Variants in DMC1 observed in about 807,000 individuals in gnomAD.
DMC1 encodes the protein DNA meiotic recombinase 1, also known as meiotic recombination protein DMC1 homolog.
In DMC1, 27 loss-of-function variants were observed where a neutral mutation model predicts 50.1. The observed-to-expected ratio is 0.54, with a 90% CI of 0.40 to 0.74. The LOEUF is 0.74. DMC1 is among the 30% of genes least tolerant of loss of function. DMC1 has a pLI of 0.00. For missense variants in DMC1, 295 were observed against 420.2 expected (o/e 0.70, Z 2.60); for synonymous variants, 148 against 136.1 (o/e 1.09, Z -0.61).
At chr22:38,536,197 CAG>C (rs2090210620) in intron 12 of DMC1, among the ~76,000 whole-genome samples, 1 of 151,264 alleles carries the variant, frequency 6.6e-6, no homozygotes, top group Admixed American at 6.6e-5. Context: ...GCTTGGGTGA[CAG>C]AGTGAAACCT....
the DMC1 span, among the ~76,000 whole-genome samples, chr22:38,511,288 A>G: frequency 6.6e-6 from 1 of 150,706 alleles, no homozygotes; most frequent in Non-Finnish European, 1.5e-5. Flanking sequence ...TTTTCAATTA[A>G]GAGTCAGGAG....
rs1236138689 is a variant in DMC1, at chr22:38,520,272, A to G, written c.954-183T>C. ...TATTAACCCTCACAAACATTTATTG[A>G]GCAACTTCTATATATAAAGTTCTGA... On this transcript the variant is annotated intron_variant, in intron 13 of 13. Coordinates refer to ENST00000216024, the MANE Select transcript of DMC1 (RefSeq NM_007068.4). Among the ~76,000 whole-genome samples the G allele has an allele frequency of 3.9e-5, 6 of 152,226 alleles. No individual in the cohort carries two copies. In the East Asian group the frequency reaches 1.2e-3, roughly 29 times the overall value.
the DMC1 span, among the ~76,000 whole-genome samples, chr22:38,512,989 C>G: frequency 6.6e-6 from 1 of 151,604 alleles, no homozygotes; most frequent in Non-Finnish European, 1.5e-5. Context: ...GAGGCTGAGA[C>G]AGGAGAATCG....
downstream of DMC1, among the ~76,000 whole-genome samples, chr22:38,516,734 G>A (rs5995588): frequency 6.6e-6 from 1 of 152,148 alleles, no homozygotes; most frequent in Admixed American, 6.5e-5. Flanking sequence ...ACACTGGGAT[G>A]GGGGAGAGCT....
At chr22:38,549,580 C>A in intron 8 of DMC1, 1 of 210,504 alleles carries the variant, frequency 4.8e-6, no homozygotes, top group Non-Finnish European at 9.6e-6. Context: ...GCCGAGATTG[C>A]CCCACTGGAC....
chr22:38,566,808 G>T, intron 3 of DMC1, 72 bp from the exon 4 acceptor site: 1 of 1,499,594 alleles, frequency 6.7e-7, no homozygotes. Context: ...TATGTCATGT[G>T]TTTCTGTGTC....
intron 12 of DMC1, among the ~76,000 whole-genome samples, chr22:38,528,952 A>T (rs1314464935): frequency 6.6e-6 from 1 of 152,196 alleles, no homozygotes; most frequent in Non-Finnish European, 1.5e-5. Flanking sequence ...GTGAAGTACA[A>T]GAAGGTATAA....
In DMC1 at chr22:38,549,877, A is replaced by T. The variant is rs766889150; in HGVS notation, c.494+48T>A. 20 of 1,400,386 alleles carry T rather than the reference A, an allele frequency of 1.4e-5. No individual in the cohort carries two copies. The African/African-American group carries it at 1.7e-4, about 12-fold the overall frequency. 86.7% of individuals were successfully genotyped at this position (1,400,386 alleles called of 1,614,324 possible). A position where few individuals can be genotyped will look rare whatever the true frequency, so the allele number is the denominator to read the frequency against. ...CTCAGACAAACTCTTCAGTGGTAAC[A>T]TTCCTATATCACACTATTATGTTAG... On this transcript the variant is annotated intron_variant, in intron 8 of 13. Coordinates refer to ENST00000216024, the MANE Select transcript of DMC1 (RefSeq NM_007068.4).
intron 8 of DMC1, among the ~76,000 whole-genome samples, chr22:38,545,261 A>T (rs1350679315): frequency 1.3e-5 from 2 of 151,818 alleles, no homozygotes; most frequent in African/African-American, 4.8e-5. Flanking sequence ...AAATACAAAA[A>T]TTAGCTGGGC....
chr22:38,523,225 C>T (rs530440027), intron 12 of DMC1, among the ~76,000 whole-genome samples: 24 of 152,312 alleles, frequency 1.6e-4, no homozygotes, highest in African/African-American at 5.5e-4. Flanking sequence ...AGTCAGAAAG[C>T]TGGGTTGCTT....
intron 8 of DMC1, among the ~76,000 whole-genome samples, chr22:38,542,754 T>C (rs2090298758): frequency 6.6e-6 from 1 of 152,194 alleles, no homozygotes; most frequent in African/African-American, 2.4e-5. Flanking sequence ...AAAGCTATCT[T>C]GAGCAAAAAG....
At chr22:38,552,547 G>A (rs935914464) in intron 7 of DMC1, 119 bp downstream of exon 7, 1 of 816,618 alleles carries the variant, frequency 1.2e-6, no homozygotes, top group Non-Finnish European at 2.1e-6. Context: ...ATCTGCCTGT[G>A]TTTTAGTTTC....
At chr22:38,567,507 G>A in intron 3 of DMC1, 76 bp downstream of exon 3, 2 of 1,243,082 alleles carry the variant, frequency 1.6e-6, no homozygotes, top group Non-Finnish European at 2.4e-6. Context: ...GAATTATCCA[G>A]GCCCAAATGT....
chr22:38,558,923 A>G (rs1391755075), intron 5 of DMC1, among the ~76,000 whole-genome samples: 1 of 152,128 alleles, frequency 6.6e-6, no homozygotes, highest in East Asian at 1.9e-4. Context: ...ATTTTGACCA[A>G]TTTGCCTAGG....
chr22:38,555,411 T>C lies in DMC1; in HGVS notation c.327-2A>G, dbSNP rs772673369. On this transcript the variant is annotated splice_acceptor_variant, in intron 5 of 13. Transcript: ENST00000216024. LOFTEE classifies it high-confidence loss of function. ...TCAATTCCACCTCCTAGTAACTTAC[T>C]GGAAATAGAAAGAAAGCATTAGTAA... 2 of 1,595,396 alleles carry C rather than the reference T, an allele frequency of 1.3e-6. No homozygotes were observed. The highest frequency in any genetic ancestry group is 1.7e-6 in the Non-Finnish European group (2 of 1,163,500).
At chr22:38,555,266 G>A (rs1486167444) in intron 6 of DMC1, 91 bp downstream of exon 6, 2 of 821,484 alleles carry the variant, frequency 2.4e-6, no homozygotes, top group Non-Finnish European at 4.0e-6. Flanking sequence ...ATTATTGGTT[G>A]TTTATTTAAT....
intron 13 of DMC1, among the ~76,000 whole-genome samples, chr22:38,520,834 C>T (rs1035221206): frequency 6.6e-6 from 1 of 151,950 alleles, no homozygotes; most frequent in East Asian, 1.9e-4. Context: ...CATAGGTTGT[C>T]TAGCACATCC....
intron 6 of DMC1, among the ~76,000 whole-genome samples, chr22:38,554,553 A>C (rs2090448879): frequency 6.6e-6 from 1 of 151,954 alleles, no homozygotes; most frequent in East Asian, 1.9e-4. Flanking sequence ...AAAATAGAGG[A>C]TAGGACGGGT....
In DMC1 at chr22:38,554,320, T is replaced by C. The variant is rs1484530481; in HGVS notation, c.379+1037A>G. On this transcript the variant is annotated intron_variant, in intron 6 of 13. Coordinates refer to ENST00000216024, the MANE Select transcript of DMC1 (RefSeq NM_007068.4). ...TTCCTACCTACCAATCCAGGTCCAT[T>C]GAACTTTCATAGATTAAAATCAAAC... 2.0e-5 allele frequency among the ~76,000 whole-genome samples: 3 copies of C among 151,722 alleles called. No homozygotes were observed. The East Asian group carries it at 5.8e-4, about 29-fold the overall frequency.
Sources: allele counts gnomAD v4.1 joint callset (sites outside exome capture counted in the v4.1 genomes callset), GRCh38; gene constraint gnomAD v4.1.1; transcripts MANE v1.5; gene names NCBI Gene and HGNC (gene_info 2026-07-23, HGNC 2026-07-21).